The following DCP2 variants were observed in gnomAD, a reference collection of about 807,000 sequenced individuals.
DCP2 encodes decapping mRNA 2.
DCP2 carries 30 observed loss-of-function variants against 56.1 expected under a neutral mutation model. The observed-to-expected ratio is 0.53, with a 90% CI of 0.40 to 0.73. The LOEUF (loss-of-function observed/expected upper bound fraction) is 0.73, where lower values mean the gene tolerates loss of function less well. Among genes scored for constraint, DCP2 ranks in the 30% least tolerant of loss-of-function variants. The pLI, the probability that DCP2 is intolerant of heterozygous loss-of-function variation, is 0.00. For missense variants in DCP2, 533 were observed against 502.7 expected, an observed-to-expected ratio of 1.06 and a Z score of -0.58; for synonymous variants, 197 against 163.3, an observed-to-expected ratio of 1.21 and a Z score of -1.57.
intron 2 of DCP2, among the ~76,000 whole-genome samples, chr5:112,986,188 TAC>T (rs1163219188): frequency 6.6e-6 from 1 of 152,152 alleles, no homozygotes; most frequent in Non-Finnish European, 1.5e-5. Context: ...ATAATAATCA[TAC>T]AGAGGACGCC....
rs569141365 is a variant in DCP2, at chr5:113,013,369, A to G, written c.1148A>G (p.His383Arg). ...PSSSEDQLLEHAEGQPVACNG... is the reference protein window; with the variant it reads ...PSSSEDQLLERAEGQPVACNG... ...TCCAGTGAAGACCAGTTGCTAGAAC[A>G]TGCTGAGGGACAGCCCGTGGCATGT... Residue 383 changes from histidine (H) to arginine (R), a missense_variant, in exon 11 of 11, where the codon CAT becomes CGT. Physicochemically the swap from His to Arg is conservative, Grantham distance 29. This residue lies in a region of DCP2 where 392 missense variants were observed against 346.6 expected (regional missense o/e 1.13). Transcript: ENST00000389063. The G allele has an allele frequency of 1.2e-6, 2 of 1,614,174 alleles. No individual in the cohort carries two copies. The highest frequency in any genetic ancestry group is 1.3e-5 in the African/African-American group (1 of 75,064).
Position 113,000,370 on chromosome 5 carries a change from A to G in DCP2, c.433-714A>G, listed in dbSNP as rs115446692. ...GGTGTGAGCCACTGTGCCCAGTCCT[A>G]TTTTTTTGAAGTGCAATTACTTGTC... On this transcript the variant is annotated intron_variant, in intron 4 of 10. Transcript: ENST00000389063. Among the ~76,000 whole-genome samples, 688 of 149,610 alleles carry G rather than the reference A, an allele frequency of 4.6e-3. 9 individuals carry two copies. Among genetic ancestry groups the G allele is most frequent in the African/African-American group, 0.016 (628 of 40,378 alleles).
chr5:112,987,620 C>CCTTTTTTTTTTTT (rs1748356511), intron 2 of DCP2, among the ~76,000 whole-genome samples: 1 of 69,736 alleles, frequency 1.4e-5, no homozygotes, highest in African/African-American at 6.2e-5. Flanking sequence ...ACCTAGGTGC[C>CCTTTTTTTTTTTT]TTTTTTTTTT....
intron 4 of DCP2, among the ~76,000 whole-genome samples, chr5:112,995,676 A>G (rs1474800789): frequency 6.6e-6 from 1 of 152,190 alleles, no homozygotes; most frequent in Non-Finnish European, 1.5e-5. Context: ...ATGTCCTTTT[A>G]TAGCTGACTA....
intron 8 of DCP2, among the ~76,000 whole-genome samples, chr5:113,005,451 A>G (rs1293013481): frequency 1.3e-5 from 2 of 152,210 alleles, no homozygotes; most frequent in Non-Finnish European, 2.9e-5. Flanking sequence ...CCACAGTGAG[A>G]TATCACTTCT....
intron 10 of DCP2, among the ~76,000 whole-genome samples, chr5:113,011,223 G>A (rs1360906255): frequency 1.3e-5 from 2 of 152,120 alleles, no homozygotes; most frequent in African/African-American, 2.4e-5. Flanking sequence ...CCATACACAC[G>A]TTAGTAAATT....
intron 4 of DCP2, among the ~76,000 whole-genome samples, chr5:112,999,041 C>T (rs2150181851): frequency 6.6e-6 from 1 of 152,354 alleles, no homozygotes; most frequent in South Asian, 2.1e-4. Flanking sequence ...TGACACGTCT[C>T]TTCAGTCTCC....
Position 113,013,518 on chromosome 5 carries a change from A to G in DCP2, c.*34A>G. On this transcript the variant is annotated 3_prime_UTR_variant, in exon 11 of 11. Transcript: ENST00000389063. ...CATGTATTGTAAATGTCCCAGGATC[A>G]GAGACCTGTTGAATTTGAGTGGGTG... 6.2e-7 allele frequency: 1 copy of G among 1,609,776 alleles called. No homozygotes were observed. The highest frequency in any genetic ancestry group is 8.5e-7 in the Non-Finnish European group (1 of 1,177,464).
At chr5:113,007,874 G>T (rs964454444) in intron 8 of DCP2, 64 bp from the exon 9 acceptor site, 10 of 1,395,654 alleles carry the variant, frequency 7.2e-6, no homozygotes, top group Middle Eastern at 1.9e-4. Context: ...TATTCATGGG[G>T]TATTTTTTTT....
chr5:113,005,352 G>T (rs554890066), intron 8 of DCP2, among the ~76,000 whole-genome samples: 11 of 152,238 alleles, frequency 7.2e-5, no homozygotes, highest in Admixed American at 1.3e-4. Flanking sequence ...CTGGACAAAT[G>T]ACTTGAATAG....
Position 112,985,823 on chromosome 5 carries a change from T to C in DCP2, c.54-12T>C. ...GTAAATGTAATTTTTGTATGTGTTT[T>C]GTTTTTGACAGCCGATTTATTTTGC... is the stretch of plus-strand genomic sequence containing the variant. On this transcript the variant is annotated splice_polypyrimidine_tract_variant and intron_variant, in intron 1 of 10. Coordinates refer to ENST00000389063, the MANE Select transcript of DCP2 (RefSeq NM_152624.6). 1 of 1,592,170 alleles carries C rather than the reference T, an allele frequency of 6.3e-7. No individual in the cohort carries two copies. Among genetic ancestry groups the C allele is most frequent in the East Asian group, 2.3e-5 (1 of 44,232 alleles).
At chr5:113,007,396 CTTTCTTT>C (rs1457824337) in intron 8 of DCP2, among the ~76,000 whole-genome samples, 5 of 143,462 alleles carry the variant, frequency 3.5e-5, no homozygotes, top group Non-Finnish European at 7.6e-5. Context: ...TTCTTTCTTT[CTTTCTTT>C]TTTTTTTTTT....
intron 1 of DCP2, among the ~76,000 whole-genome samples, chr5:112,983,517 G>A (rs999370107): frequency 2.6e-5 from 4 of 152,214 alleles, no homozygotes; most frequent in Non-Finnish European, 4.4e-5. Context: ...GCCTGGCAAG[G>A]CAGTATAGAA....
At chr5:112,988,004 T>G (rs549883961) in intron 2 of DCP2, among the ~76,000 whole-genome samples, 1 of 152,182 alleles carries the variant, frequency 6.6e-6, no homozygotes, top group Admixed American at 6.5e-5. Context: ...AGAGTTGGAG[T>G]AGGGATAGGT....
rs1750021896 is a variant in DCP2 at position 113,019,538 on chromosome 5, T to TA, written c.*6057dup. The stretch of plus-strand genomic sequence containing the variant: ...TGCAAGTGTCCAAAGAAATGAGTCT[T>TA]AAAGTTCTTTGGTCATATTTCACTT... On this transcript the variant is annotated 3_prime_UTR_variant, in exon 11 of 11. Transcript: ENST00000389063. The TA allele has an allele frequency of 1.3e-5, 2 of 152,328 alleles. No individual in the cohort carries two copies. The highest frequency in any genetic ancestry group is 2.1e-4 in the South Asian group (1 of 4,828). The allele number at this position is 152,328 out of a possible 1,614,324, so 9.4% of individuals were successfully genotyped here.
chr5:113,001,275 C>T, intron 5 of DCP2, 39 bp downstream of exon 5: 1 of 1,601,306 alleles, frequency 6.2e-7, no homozygotes, highest in Non-Finnish European at 8.5e-7. Flanking sequence ...TGGACAGTAT[C>T]CCAAATGAAT....
chr5:112,992,860 G>A (rs1748656681), intron 4 of DCP2, 90 bp downstream of exon 4: 3 of 873,066 alleles, frequency 3.4e-6, no homozygotes, highest in Non-Finnish European at 4.8e-6. Flanking sequence ...TCTTTGGACT[G>A]TCTTAACCCT....
At chr5:112,985,791 A>G (rs33543) in intron 1 of DCP2, 44 bp from the exon 2 acceptor site, 459,850 of 1,583,642 alleles carry the variant, frequency 0.29, 67,775 homozygotes, top group Middle Eastern at 0.32. Context: ...ATAAATCGTT[A>G]TAGTTTGTAA....
rs1749931724 is a variant in DCP2 at position 113,017,352 on chromosome 5, C to G, written c.*3868C>G. The G allele has an allele frequency of 6.6e-6, 1 of 152,122 alleles. No homozygotes were observed. The highest frequency in any genetic ancestry group is 1.5e-5 in the Non-Finnish European group (1 of 68,024). 9.4% of individuals were successfully genotyped at this position (152,122 alleles called of 1,614,324 possible). A position where few individuals can be genotyped will look rare whatever the true frequency, so the allele number is the denominator to read the frequency against. On this transcript the variant is annotated 3_prime_UTR_variant, in exon 11 of 11. Coordinates refer to ENST00000389063, the MANE Select transcript of DCP2 (RefSeq NM_152624.6). Reference sequence around the variant, plus strand: ...CTTTACATACCTGTCTGTAGGTAAGCAAGTGTTAGTAAAAACAATTTTGTC... The same window carrying G: ...CTTTACATACCTGTCTGTAGGTAAGGAAGTGTTAGTAAAAACAATTTTGTC...
Sources: gnomAD v4.1 joint callset for allele counts (sites outside exome capture counted in the v4.1 genomes callset) on GRCh38, gnomAD v4.1.1 for gene constraint, gnomAD v4.1.1 regional missense constraint, MANE v1.5 for transcripts, NCBI Gene and HGNC (gene_info 2026-07-23, HGNC 2026-07-21) for gene names.